PSPC1: variants seen among roughly 807,000 people sequenced by gnomAD.
The protein encoded by PSPC1 is paraspeckle component 1.
Under a neutral mutation model 51.6 loss-of-function variants are expected in PSPC1, and 14 were observed. The observed-to-expected ratio is 0.27, with a 90% CI of 0.18 to 0.42. The LOEUF (loss-of-function observed/expected upper bound fraction) is 0.42, where lower values mean the gene tolerates loss of function less well. Ranked by LOEUF, PSPC1 falls within the 10% of genes least tolerant of loss-of-function variation. The pLI is 1.00. For synonymous variants in PSPC1, 193 were observed against 231.9 expected (o/e 0.83, Z 1.53); for missense variants, 406 against 701.1 (o/e 0.58, Z 4.75).
At chr13:19,755,669 C>G (rs1242104266) in intron 3 of PSPC1, among the ~76,000 whole-genome samples, 1 of 151,928 alleles carries the variant, frequency 6.6e-6, no homozygotes, top group East Asian at 1.9e-4. Flanking sequence ...TCCTCCCTTG[C>G]TTCCAGGACA....
chr13:19,731,471 C>T (rs1884106925), intron 5 of PSPC1, among the ~76,000 whole-genome samples: 1 of 152,074 alleles, frequency 6.6e-6, no homozygotes. Context: ...TGGAGTGTCC[C>T]AATCTCAGCT....
chr13:19,721,852 C>A (rs1283538927), intron 6 of PSPC1, among the ~76,000 whole-genome samples: 1 of 152,204 alleles, frequency 6.6e-6, no homozygotes, highest in Non-Finnish European at 1.5e-5. Flanking sequence ...TTTAAAAATA[C>A]TCTTCATTAC....
At chr13:19,680,918 T>A (rs1877198729) in intron 6 of PSPC1, among the ~76,000 whole-genome samples, 1 of 152,140 alleles carries the variant, frequency 6.6e-6, no homozygotes, top group Non-Finnish European at 1.5e-5. Context: ...ACTTAAAGAA[T>A]AAAACATTAA....
chr13:19,719,030 A>G (rs1882455708), intron 6 of PSPC1, among the ~76,000 whole-genome samples: 1 of 151,284 alleles, frequency 6.6e-6, no homozygotes, highest in South Asian at 2.1e-4. Flanking sequence ...GTATGATGCT[A>G]TAATCATAGG....
At chr13:19,674,757 AAGT>A (rs1426019967) in exon 8 of PSPC1, 1 of 152,174 alleles carries the variant, frequency 6.6e-6, no homozygotes, top group Non-Finnish European at 1.5e-5. Flanking sequence ...AAGGCTAAAG[AAGT>A]TCGAAATGTT....
chr13:19,727,292 G>A (rs549945626), intron 6 of PSPC1, among the ~76,000 whole-genome samples: 5 of 152,204 alleles, frequency 3.3e-5, no homozygotes, highest in Non-Finnish European at 7.4e-5. Flanking sequence ...TACTCGGGAG[G>A]CTAAGGCAGG....
chr13:19,731,212 G>A (rs1002204966), intron 5 of PSPC1, among the ~76,000 whole-genome samples: 1 of 152,000 alleles, frequency 6.6e-6, no homozygotes, highest in Non-Finnish European at 1.5e-5. Flanking sequence ...ACGTGTTATA[G>A]CATAAACATT....
At position 19,703,138 on chromosome 13, in the gene PSPC1, C is replaced by G; in HGVS notation, c.*37G>C. On this transcript the variant is annotated 3_prime_UTR_variant, in exon 9 of 9. Transcript: ENST00000338910. ...TAAAAGTATAAAGGCATACCACTGA[C>G]TTTTTTTTTTCTAGATAGCCAGGAA... 1 of 1,513,090 alleles carries G rather than the reference C, an allele frequency of 6.6e-7. No individual in the cohort carries two copies. Among genetic ancestry groups the G allele is most frequent in the African/African-American group, 1.4e-5 (1 of 71,532 alleles). 93.7% of individuals were successfully genotyped at this position (1,513,090 alleles called of 1,614,324 possible). A position where few individuals can be genotyped will look rare whatever the true frequency, so the allele number is the denominator to read the frequency against.
At chr13:19,744,726 A>G (rs1885782057) in intron 4 of PSPC1, among the ~76,000 whole-genome samples, 1 of 152,032 alleles carries the variant, frequency 6.6e-6, no homozygotes, top group Non-Finnish European at 1.5e-5. Flanking sequence ...AACCGCGCCC[A>G]GCTAATTTTT....
chr13:19,707,199 G>C (rs1355550373), intron 7 of PSPC1, among the ~76,000 whole-genome samples: 1 of 152,068 alleles, frequency 6.6e-6, no homozygotes, highest in Non-Finnish European at 1.5e-5. Context: ...CTCTTTAATA[G>C]AATGTAATTT....
At chr13:19,769,322 G>C (rs1379941623) in intron 2 of PSPC1, among the ~76,000 whole-genome samples, 2 of 151,778 alleles carry the variant, frequency 1.3e-5, no homozygotes, top group East Asian at 3.9e-4. Flanking sequence ...TTGGGAGGCC[G>C]AGGCAGGTGG....
intron 2 of PSPC1, among the ~76,000 whole-genome samples, chr13:19,766,703 T>C (rs1888103768): frequency 6.6e-6 from 1 of 151,288 alleles, no homozygotes; most frequent in Non-Finnish European, 1.5e-5. Flanking sequence ...AAGAAATCGT[T>C]AGTTAACTGG....
chr13:19,729,661 G>C (rs553859004), intron 6 of PSPC1, among the ~76,000 whole-genome samples: 64 of 151,650 alleles, frequency 4.2e-4, no homozygotes, highest in Non-Finnish European at 5.7e-4. Context: ...ATTAAGACCT[G>C]TGCAAATCTG....
At chr13:19,707,650 T>C (rs182542057) in intron 7 of PSPC1, among the ~76,000 whole-genome samples, 42 of 152,250 alleles carry the variant, frequency 2.8e-4, no homozygotes, top group Middle Eastern at 3.4e-3. Context: ...GTGAATAAAA[T>C]GTCACAAAAA....
At chr13:19,692,315 C>T (rs887196280) in intron 6 of PSPC1, among the ~76,000 whole-genome samples, 1 of 152,066 alleles carries the variant, frequency 6.6e-6, no homozygotes, top group African/African-American at 2.4e-5. Flanking sequence ...TGGGGTTTTG[C>T]CATCTTGCCC....
At chr13:19,732,814 C>T (rs997179618) in intron 5 of PSPC1, among the ~76,000 whole-genome samples, 11 of 151,936 alleles carry the variant, frequency 7.2e-5, no homozygotes, top group Admixed American at 2.0e-4. Flanking sequence ...GTAATCCCAG[C>T]TACTCGGGAG....
chr13:19,674,995 A>G (rs923655476), intron 7 of PSPC1: 1 of 152,330 alleles, frequency 6.6e-6, no homozygotes, highest in African/African-American at 2.4e-5. Context: ...CTGTGAAGAC[A>G]ATGAAGGTTC....
chr13:19,777,455 A>T (rs1475458817), intron 1 of PSPC1, among the ~76,000 whole-genome samples: 1 of 150,522 alleles, frequency 6.6e-6, no homozygotes, highest in African/African-American at 2.4e-5. Flanking sequence ...AAAAAAAGAT[A>T]ACTTTTACAT....
intron 6 of PSPC1, among the ~76,000 whole-genome samples, chr13:19,720,224 T>C (rs1882599505): frequency 6.6e-6 from 1 of 152,212 alleles, no homozygotes; most frequent in African/African-American, 2.4e-5. Context: ...TACTGGTGAC[T>C]GGTTTGCACT....
Sources: allele counts gnomAD v4.1 joint callset (sites outside exome capture counted in the v4.1 genomes callset), GRCh38; gene constraint gnomAD v4.1.1; transcripts MANE v1.5; gene names NCBI Gene and HGNC (gene_info 2026-07-23, HGNC 2026-07-21).